The following CSMD1 variants were observed in gnomAD, a reference collection of about 807,000 sequenced individuals.
CSMD1 encodes the protein CUB and sushi domain-containing protein 1.
In CSMD1, 213 loss-of-function variants were observed where a neutral mutation model predicts 417.5. That is an observed-to-expected ratio of 0.51 (90% CI 0.46 to 0.57). The LOEUF (loss-of-function observed/expected upper bound fraction) is 0.57, where lower values mean the gene tolerates loss of function less well. Among genes scored for constraint, CSMD1 ranks in the 20% least tolerant of loss-of-function variants. The pLI, the probability that CSMD1 is intolerant of heterozygous loss-of-function variation, is 0.00. For missense variants in CSMD1, 6,923 were observed against 4,529.7 expected (o/e 1.53, Z -15.17); for synonymous variants, 2,862 against 1,736.8 (o/e 1.65, Z -16.11).
At chr8:4,442,536 C>G (rs1198163302) in intron 2 of CSMD1, among the ~76,000 whole-genome samples, 2 of 152,092 alleles carry the variant, frequency 1.3e-5, no homozygotes, top group Admixed American at 6.6e-5. Context: ...CCTGAAGAAC[C>G]TCTCAAACCA....
intron 5 of CSMD1, among the ~76,000 whole-genome samples, chr8:3,768,181 G>C (rs903386115): frequency 6.6e-6 from 1 of 152,190 alleles, no homozygotes; most frequent in African/African-American, 2.4e-5. Context: ...CAGAAATTAA[G>C]GGAATCTTTA....
chr8:3,485,184 A>C (rs957676900), intron 11 of CSMD1, among the ~76,000 whole-genome samples: 1 of 152,236 alleles, frequency 6.6e-6, no homozygotes, highest in African/African-American at 2.4e-5. Flanking sequence ...GGGTGAATAT[A>C]AACTGTGGAA....
chr8:3,739,185 TACTGTA>T (rs1211535485), intron 6 of CSMD1, among the ~76,000 whole-genome samples: 1 of 152,210 alleles, frequency 6.6e-6, no homozygotes, highest in African/African-American at 2.4e-5. Context: ...GCATGCCGGA[TACTGTA>T]AGGAATGCAA....
intron 10 of CSMD1, among the ~76,000 whole-genome samples, chr8:3,527,304 T>C (rs1020598509): frequency 1.3e-5 from 2 of 152,232 alleles, no homozygotes; most frequent in Non-Finnish European, 2.9e-5. Flanking sequence ...GACATCATAT[T>C]CATTTCTTAT....
chr8:4,304,300 G>A (rs1354458518), intron 3 of CSMD1, among the ~76,000 whole-genome samples: 4 of 152,242 alleles, frequency 2.6e-5, no homozygotes, highest in East Asian at 3.9e-4. Context: ...GTTCAATATA[G>A]AATATATAGA....
Position 4,969,467 on chromosome 8 carries a change from T to A in CSMD1, c.85+24865A>T, listed in dbSNP as rs575485481. On this transcript the variant is annotated intron_variant, in intron 1 of 69. Coordinates refer to ENST00000635120, the MANE Select transcript of CSMD1 (RefSeq NM_033225.6). ...TTCACAGAAAATCTTTCTATTCATA[T>A]TCATTCATTCTCTCTCTCTCTTTCT... 3.3e-5 allele frequency among the ~76,000 whole-genome samples: 5 copies of A among 151,568 alleles called. No homozygotes were observed. The South Asian group carries it at 1.0e-3, about 32-fold the overall frequency.
chr8:3,953,762 A>G (rs2554509), intron 5 of CSMD1, among the ~76,000 whole-genome samples: 49,015 of 151,884 alleles, frequency 0.32, 9,362 homozygotes, highest in African/African-American at 0.53. Context: ...TCCACGTGAC[A>G]GCTGAGCTTA....
intron 2 of CSMD1, among the ~76,000 whole-genome samples, chr8:4,439,238 T>C (rs1302174320): frequency 6.6e-6 from 1 of 152,156 alleles, no homozygotes; most frequent in Non-Finnish European, 1.5e-5. Context: ...ATATGAAATA[T>C]ATTGCTTCTA....
intron 10 of CSMD1, among the ~76,000 whole-genome samples, chr8:3,508,324 A>G (rs1796918935): frequency 7.0e-6 from 1 of 142,284 alleles, no homozygotes; most frequent in Admixed American, 7.1e-5. Flanking sequence ...ACTTGGACAC[A>G]GGAAGGGGAA....
chr8:3,377,623 T>G (rs573445428), intron 18 of CSMD1, among the ~76,000 whole-genome samples: 67 of 152,266 alleles, frequency 4.4e-4, no homozygotes, highest in Non-Finnish European at 5.3e-4. Context: ...CAGTTTCCAT[T>G]AAACCTACTT....
intron 1 of CSMD1, among the ~76,000 whole-genome samples, chr8:4,697,082 G>C (rs1045515383): frequency 6.6e-6 from 1 of 152,132 alleles, no homozygotes; most frequent in African/African-American, 2.4e-5. Context: ...TGACGCAGGA[G>C]AATTGCTTGA....
intron 21 of CSMD1, among the ~76,000 whole-genome samples, chr8:3,351,734 T>C (rs923440963): frequency 2.8e-5 from 4 of 145,152 alleles, no homozygotes; most frequent in Non-Finnish European, 4.5e-5. Context: ...AATATATATT[T>C]AATATGTATT....
intron 3 of CSMD1, among the ~76,000 whole-genome samples, chr8:4,153,769 C>A (rs1197841084): frequency 6.6e-6 from 1 of 152,164 alleles, no homozygotes; most frequent in African/African-American, 2.4e-5. Flanking sequence ...GCTCTAAAAC[C>A]CTTTGTCAGG....
intron 3 of CSMD1, among the ~76,000 whole-genome samples, chr8:4,095,988 C>G (rs1800986318): frequency 6.6e-6 from 1 of 151,926 alleles, no homozygotes; most frequent in Non-Finnish European, 1.5e-5. Context: ...AACCAAAAAC[C>G]CAGAGTTGTC....
At chr8:4,054,998 A>G (rs893284919) in intron 3 of CSMD1, among the ~76,000 whole-genome samples, 3 of 152,218 alleles carry the variant, frequency 2.0e-5, no homozygotes, top group African/African-American at 7.2e-5. Context: ...AAAGAATGTC[A>G]TATAAATGTG....
intron 33 of CSMD1, among the ~76,000 whole-genome samples, chr8:3,190,389 G>T (rs1346444168): frequency 6.6e-6 from 1 of 152,128 alleles, no homozygotes; most frequent in Non-Finnish European, 1.5e-5. Flanking sequence ...CCATCTCAGT[G>T]TCCTCACTTC....
intron 37 of CSMD1, among the ~76,000 whole-genome samples, chr8:3,172,666 G>A (rs559190626): frequency 6.6e-6 from 1 of 152,306 alleles, no homozygotes; most frequent in South Asian, 2.1e-4. Flanking sequence ...GGCAGAGAAG[G>A]GGAATGGAGA....
intron 1 of CSMD1, among the ~76,000 whole-genome samples, chr8:4,818,095 A>C (rs1215452285): frequency 2.6e-5 from 4 of 152,202 alleles, no homozygotes; most frequent in African/African-American, 9.7e-5. Context: ...TGAACTGAAC[A>C]CATGTAATAC....
chr8:3,213,969 C>T (rs908943386), intron 30 of CSMD1, among the ~76,000 whole-genome samples: 3 of 151,874 alleles, frequency 2.0e-5, no homozygotes, highest in African/African-American at 7.3e-5. Flanking sequence ...CCTCACCCTA[C>T]TGAGTAGCTG....
Sources: gnomAD v4.1 joint callset for allele counts (sites outside exome capture counted in the v4.1 genomes callset) on GRCh38, gnomAD v4.1.1 for gene constraint, MANE v1.5 for transcripts, NCBI Gene and HGNC (gene_info 2026-07-23, HGNC 2026-07-21) for gene names.